NXPE4: variants seen among roughly 807,000 people sequenced by gnomAD.
NXPE4 encodes neurexophilin and PC-esterase domain family member 4, also known as NXPE family member 4.
NXPE4 carries 42 observed loss-of-function variants against 33.3 expected under a neutral mutation model. The ratio of observed to expected loss-of-function variants is 1.26; its 90% confidence interval spans 0.98 to 1.63. The LOEUF (loss-of-function observed/expected upper bound fraction) is 1.63. Ranked by LOEUF, NXPE4 falls within the 40% of genes most tolerant of loss-of-function variation. The probability of loss-of-function intolerance (pLI) is 0.00; values close to 1 mark genes in which losing one functional copy is unlikely to be tolerated. For missense variants in NXPE4, 709 were observed against 647.6 expected (o/e 1.09, Z -1.03); for synonymous variants, 253 against 234.9 (o/e 1.08, Z -0.71).
At chr11:114,614,291 G>A in the NXPE4 span, among the ~76,000 whole-genome samples, 27,168 of 150,484 alleles carry the variant, frequency 0.18, 2,788 homozygotes, top group Non-Finnish European at 0.22. Flanking sequence ...CCTGTTACCC[G>A]GTGGATAGTA....
At chr11:114,651,253 T>C in the NXPE4 span, among the ~76,000 whole-genome samples, 2 of 152,088 alleles carry the variant, frequency 1.3e-5, no homozygotes, top group East Asian at 3.9e-4. Flanking sequence ...TGTTCAGATG[T>C]GTCCGGAGTT....
At chr11:114,656,534 G>A in the NXPE4 span, among the ~76,000 whole-genome samples, 1 of 151,930 alleles carries the variant, frequency 6.6e-6, no homozygotes, top group South Asian at 2.1e-4. Context: ...CTCTAAAATG[G>A]GTATCAAATA....
chr11:114,658,629 A>G, the NXPE4 span, among the ~76,000 whole-genome samples: 2 of 152,128 alleles, frequency 1.3e-5, no homozygotes, highest in Admixed American at 6.6e-5. Flanking sequence ...ACATATGAAG[A>G]TCCCTGTGGT....
chr11:114,589,114 T>G lies in NXPE4; in HGVS notation c.96+5550A>C, dbSNP rs188120690. On this transcript the variant is annotated intron_variant, in intron 2 of 5. Transcript: ENST00000375478. ...CTATTGATGTGGGAAGTCAGAGGAC[T>G]TTAAAAAGGATATCCAGGAAGCAAG... Among the ~76,000 whole-genome samples the G allele has an allele frequency of 3.3e-5, 5 of 152,166 alleles. No homozygotes were observed. In the East Asian group the frequency reaches 9.7e-4, roughly 29 times the overall value.
At chr11:114,610,871 G>GA in the NXPE4 span, among the ~76,000 whole-genome samples, 1 of 151,790 alleles carries the variant, frequency 6.6e-6, no homozygotes, top group Non-Finnish European at 1.5e-5. Flanking sequence ...TTCCCCGGGG[G>GA]AAAATAAGCA....
At chr11:114,634,372 C>G in the NXPE4 span, among the ~76,000 whole-genome samples, 1 of 151,984 alleles carries the variant, frequency 6.6e-6, no homozygotes, top group Non-Finnish European at 1.5e-5. Flanking sequence ...AGCCCTTTGT[C>G]AGATGAGTAG....
chr11:114,654,384 G>T, the NXPE4 span, among the ~76,000 whole-genome samples: 2 of 151,808 alleles, frequency 1.3e-5, no homozygotes, highest in Non-Finnish European at 1.5e-5. Context: ...GGATACACAT[G>T]CAGAATGTGC....
the NXPE4 span, among the ~76,000 whole-genome samples, chr11:114,672,069 G>A: frequency 5.3e-5 from 8 of 151,894 alleles, no homozygotes; most frequent in Admixed American, 4.6e-4. Flanking sequence ...AGAGAAGGAG[G>A]AGGTGCTACA....
chr11:114,631,630 A>G, the NXPE4 span, among the ~76,000 whole-genome samples: 3 of 152,062 alleles, frequency 2.0e-5, no homozygotes, highest in South Asian at 6.2e-4. Context: ...ATATGTAACT[A>G]AACTGCACAT....
the NXPE4 span, among the ~76,000 whole-genome samples, chr11:114,625,206 A>G: frequency 6.6e-6 from 1 of 152,160 alleles, no homozygotes; most frequent in Non-Finnish European, 1.5e-5. Flanking sequence ...CTTGTGGGTA[A>G]CCACTGTTAC....
the NXPE4 span, among the ~76,000 whole-genome samples, chr11:114,613,162 G>A: frequency 2.4e-4 from 35 of 145,818 alleles, no homozygotes; most frequent in South Asian, 6.5e-4. Flanking sequence ...ACTGTTACCC[G>A]ATGGATAATT....
chr11:114,597,906 C>A (rs998191786), upstream of NXPE4, among the ~76,000 whole-genome samples: 2 of 152,106 alleles, frequency 1.3e-5, no homozygotes, highest in South Asian at 2.1e-4. Flanking sequence ...TTTCAAAATA[C>A]AATCATGCCT....
the NXPE4 span, among the ~76,000 whole-genome samples, chr11:114,642,143 G>A: frequency 1.3e-5 from 2 of 152,024 alleles, 1 homozygote; most frequent in Non-Finnish European, 2.9e-5. Context: ...ATCAACACTA[G>A]CAGTGAAAAT....
chr11:114,644,650 G>A, the NXPE4 span, among the ~76,000 whole-genome samples: 3 of 152,040 alleles, frequency 2.0e-5, no homozygotes, highest in Admixed American at 1.3e-4. Flanking sequence ...GGAATATTAT[G>A]TCATGTTTAT....
the NXPE4 span, among the ~76,000 whole-genome samples, chr11:114,633,363 TATATA>T: frequency 0.011 from 1,601 of 143,646 alleles, 27 homozygotes; most frequent in South Asian, 0.022. Context: ...TTATATATAC[TATATA>T]ATATATTATG....
chr11:114,636,210 G>A, the NXPE4 span, among the ~76,000 whole-genome samples: 1 of 151,970 alleles, frequency 6.6e-6, no homozygotes, highest in African/African-American at 2.4e-5. Context: ...ATGTGTCGAG[G>A]AATTTATCCA....
chr11:114,605,988 G>T, the NXPE4 span, among the ~76,000 whole-genome samples: 1 of 151,738 alleles, frequency 6.6e-6, no homozygotes, highest in African/African-American at 2.4e-5. Flanking sequence ...TTGTTACCAG[G>T]TGGATACTAA....
At chr11:114,669,485 A>G in the NXPE4 span, among the ~76,000 whole-genome samples, 154 of 152,174 alleles carry the variant, frequency 1.0e-3, 1 homozygote, top group Admixed American at 8.3e-3. Flanking sequence ...CAGAGGTTCT[A>G]TTCTACCCAA....
chr11:114,627,140 C>A, the NXPE4 span, among the ~76,000 whole-genome samples: 452 of 151,936 alleles, frequency 3.0e-3, 1 homozygote, highest in Non-Finnish European at 4.6e-3. Context: ...CAAGGCAGGC[C>A]AACGTTCAGA....
Sources: allele counts gnomAD v4.1 joint callset (sites outside exome capture counted in the v4.1 genomes callset), GRCh38; gene constraint gnomAD v4.1.1; transcripts MANE v1.5; gene names NCBI Gene and HGNC (gene_info 2026-07-23, HGNC 2026-07-21).